DMXL2: variants seen among roughly 807,000 people sequenced by gnomAD.
DMXL2 encodes dmX-like protein 2.
Under a neutral mutation model 331.1 loss-of-function variants are expected in DMXL2, and 103 were observed. That is an observed-to-expected ratio of 0.31 (90% CI 0.27 to 0.37). The LOEUF (loss-of-function observed/expected upper bound fraction) is 0.37, where lower values mean the gene tolerates loss of function less well. DMXL2 is among the 10% of genes least tolerant of loss of function. The pLI, the probability that DMXL2 is intolerant of heterozygous loss-of-function variation, is 1.00. For synonymous variants in DMXL2, 1,281 were observed against 1,252.1 expected (o/e 1.02, Z -0.49); for missense variants, 3,171 against 3,642.9 (o/e 0.87, Z 3.33).
chr15:51,588,347 T>C (rs545049239), intron 1 of DMXL2, among the ~76,000 whole-genome samples: 126 of 152,130 alleles, frequency 8.3e-4, no homozygotes, highest in Middle Eastern at 3.4e-3. Flanking sequence ...TTGGTAGAGA[T>C]AGTATTTCAC....
rs139720471 is a variant in DMXL2, at chr15:51,460,974, G to A, written c.7927-1314C>T. ...TTCAAGTACTCAGTAACCACATGTG[G>A]CTGGTGACTACTATGTTGGACTATG... On this transcript the variant is annotated intron_variant, in intron 33 of 43. Coordinates refer to ENST00000560891, the MANE Select transcript of DMXL2 (RefSeq NM_001378457.1). Among the ~76,000 whole-genome samples the A allele has an allele frequency of 3.2e-3, 487 of 152,198 alleles. 3 individuals carry two copies. The highest frequency in any genetic ancestry group is 0.011 in the African/African-American group (455 of 41,518).
At chr15:51,539,815 A>G (rs930822299) in intron 9 of DMXL2, among the ~76,000 whole-genome samples, 1 of 152,124 alleles carries the variant, frequency 6.6e-6, no homozygotes, top group Non-Finnish European at 1.5e-5. Flanking sequence ...TAAATCAAAA[A>G]CTTAATCTCC....
intron 10 of DMXL2, 26 bp from the exon 11 acceptor site, chr15:51,537,785 T>C (rs760785044): frequency 6.3e-7 from 1 of 1,596,338 alleles, no homozygotes; most frequent in African/African-American, 1.3e-5. Context: ...TATTTATCAA[T>C]ACAAGCATTA....
intron 13 of DMXL2, among the ~76,000 whole-genome samples, chr15:51,531,995 A>G (rs754622895): frequency 2.6e-5 from 4 of 152,182 alleles, no homozygotes; most frequent in Non-Finnish European, 5.9e-5. Flanking sequence ...TAGACCTACC[A>G]TACAATCCAG....
At chr15:51,472,143 A>G (rs2033936217) in intron 28 of DMXL2, among the ~76,000 whole-genome samples, 1 of 152,192 alleles carries the variant, frequency 6.6e-6, no homozygotes, top group African/African-American at 2.4e-5. Flanking sequence ...GGATTCAGGA[A>G]TTGGGTATGG....
chr15:51,450,332 C>T lies in DMXL2; in HGVS notation c.8764G>A (p.Asp2922Asn), dbSNP rs925327563. 6 of 1,613,624 alleles carry T rather than the reference C, an allele frequency of 3.7e-6. No homozygotes were observed. Among genetic ancestry groups the T allele is most frequent in the Middle Eastern group, 1.6e-4 (1 of 6,082 alleles). Residue 2922 changes from aspartate (D) to asparagine (N), a missense_variant, in exon 43 of 44, where the codon GAT (aspartate) becomes AAT (asparagine). By Grantham distance (23) the Asp-to-Asn change is conservative. Around this residue, in one of 7 missense-constraint regions of DMXL2, gnomAD observed 766 missense variants for 940.5 expected, o/e 0.81. Transcript: ENST00000560891. ...NSLIHGFTCH[D>N]HGATVLQYAP... is the part of the protein sequence containing the mutation. ...TACTGCAGTACCGTGGCACCATGATCGTGGCACGTGAAACCTGAAGAAGAA... is the reference window on the plus strand; with the variant it reads ...TACTGCAGTACCGTGGCACCATGATTGTGGCACGTGAAACCTGAAGAAGAA...
intron 23 of DMXL2, among the ~76,000 whole-genome samples, chr15:51,485,404 G>C (rs1414767866): frequency 6.6e-6 from 1 of 152,170 alleles, no homozygotes; most frequent in Non-Finnish European, 1.5e-5. Context: ...TTTGTTTCAG[G>C]AAACAACCAA....
Position 51,538,288 on chromosome 15 carries a change from C to T in DMXL2, c.1270G>A (p.Asp424Asn). The T allele has an allele frequency of 6.2e-7, 1 of 1,613,776 alleles. No individual in the cohort carries two copies. Among genetic ancestry groups the T allele is most frequent in the Non-Finnish European group, 8.5e-7 (1 of 1,179,770 alleles). ...TCCTCATCTTCTCTATCTGCATCAT[C>T]ATTTTCATGATCTACCTGCTTATCA... ...LSDKQVDHEN[D>N]DADREDEEHS... The change falls in exon 10 of 44, where the codon GAT (aspartate) becomes AAT (asparagine). Residue 424 changes from aspartate (D) to asparagine (N), a missense_variant. Transcript: ENST00000560891.
chr15:51,600,515 C>T (rs1239243448), intron 1 of DMXL2, among the ~76,000 whole-genome samples: 1 of 152,180 alleles, frequency 6.6e-6, no homozygotes, highest in Admixed American at 6.5e-5. Context: ...GTTGCACTTG[C>T]GTGTCCTAGG....
chr15:51,615,253 C>A (rs757851285), intron 1 of DMXL2, among the ~76,000 whole-genome samples: 22 of 152,086 alleles, frequency 1.4e-4, no homozygotes, highest in Non-Finnish European at 2.5e-4. Flanking sequence ...TGAGAAGAAG[C>A]AATTAAGCAT....
At chr15:51,547,090 T>C in intron 7 of DMXL2, 140 bp downstream of exon 7, 1 of 712,462 alleles carries the variant, frequency 1.4e-6, no homozygotes, top group East Asian at 3.0e-5. Flanking sequence ...ATGAAGCTAA[T>C]AGTAGGATTT....
intron 29 of DMXL2, among the ~76,000 whole-genome samples, chr15:51,469,548 T>C (rs2040903204): frequency 6.6e-6 from 1 of 152,234 alleles, no homozygotes; most frequent in Non-Finnish European, 1.5e-5. Context: ...TTGGCCACAA[T>C]GGTAACAGTT....
Position 51,536,110 on chromosome 15 carries a change from T to C in DMXL2, c.2314+56A>G, listed in dbSNP as rs552400874. The C allele has an allele frequency of 3.6e-6, 5 of 1,394,264 alleles. No individual in the cohort carries two copies. In the South Asian group the frequency reaches 5.9e-5, roughly 16 times the overall value. The allele number at this position is 1,394,264 out of a possible 1,614,324, so 86.4% of individuals were successfully genotyped here. On this transcript the variant is annotated intron_variant, in intron 12 of 43. Transcript: ENST00000560891. ...CAACAAATATAAACCATTTCGTATA[T>C]AACAAATAATAGTTTAAAAGCTTGT...
chr15:51,608,823 C>T (rs965166299), intron 1 of DMXL2, among the ~76,000 whole-genome samples: 2 of 151,892 alleles, frequency 1.3e-5, no homozygotes, highest in Non-Finnish European at 1.5e-5. Flanking sequence ...AGATTGATAC[C>T]AAGGAAATTC....
At chr15:51,473,651 T>C (rs1457739986) in intron 28 of DMXL2, among the ~76,000 whole-genome samples, 1 of 152,188 alleles carries the variant, frequency 6.6e-6, no homozygotes, top group African/African-American at 2.4e-5. Context: ...TTTCTAAGGA[T>C]GAATTAAGAT....
intron 29 of DMXL2, among the ~76,000 whole-genome samples, chr15:51,470,134 T>G (rs1391883026): frequency 6.6e-6 from 1 of 152,168 alleles, no homozygotes; most frequent in Admixed American, 6.5e-5. Context: ...ACCACTGACG[T>G]AACCAAAGTC....
At chr15:51,538,576 T>C (rs1338889877) in intron 9 of DMXL2, 124 bp from the exon 10 acceptor site, 4 of 718,180 alleles carry the variant, frequency 5.6e-6, no homozygotes, top group African/African-American at 3.6e-5. Context: ...TTTAGCAGCA[T>C]TTGTAAAAAC....
intron 4 of DMXL2, 83 bp downstream of exon 4, chr15:51,565,005 T>C (rs1252832773): frequency 1.2e-6 from 1 of 806,812 alleles, no homozygotes; most frequent in African/African-American, 1.8e-5. Context: ...CATTTTCTTA[T>C]TATGGGAGAC....
At chr15:51,504,337 G>C (rs2043901283) in intron 16 of DMXL2, among the ~76,000 whole-genome samples, 2 of 152,142 alleles carry the variant, frequency 1.3e-5, no homozygotes, top group African/African-American at 4.8e-5. Flanking sequence ...TCAAATCAGA[G>C]AATGATTTCA....
Sources: gnomAD v4.1 joint callset for allele counts (sites outside exome capture counted in the v4.1 genomes callset) on GRCh38, gnomAD v4.1.1 for gene constraint, gnomAD v4.1.1 regional missense constraint, MANE v1.5 for transcripts, NCBI Gene and HGNC (gene_info 2026-07-23, HGNC 2026-07-21) for gene names.